SELPLG: variants seen among roughly 807,000 people sequenced by gnomAD.
The protein encoded by SELPLG is selectin P ligand.
SELPLG carries 2 observed loss-of-function variants against 1.1 expected under a neutral mutation model. The observed-to-expected ratio is 1.82, with a 90% CI of 0.74 to 5.71. The LOEUF is 5.71. Ranked by LOEUF, SELPLG falls within the 30% of genes most tolerant of loss-of-function variation. The pLI is 0.05. For missense variants in SELPLG, 478 were observed against 524.7 expected (o/e 0.91, Z 0.87); for synonymous variants, 230 against 221.2 (o/e 1.04, Z -0.35).
intron 1 of SELPLG, among the ~76,000 whole-genome samples, chr12:108,627,821 C>T (rs781240722): frequency 9.9e-5 from 15 of 152,154 alleles, no homozygotes; most frequent in Non-Finnish European, 1.9e-4. Flanking sequence ...CTCCTGTAAT[C>T]CGAGGACTTT....
intron 1 of SELPLG, chr12:108,631,900 A>G (rs1386894036): frequency 6.5e-7 from 1 of 1,535,334 alleles, no homozygotes; most frequent in Non-Finnish European, 8.7e-7. Flanking sequence ...CCCCACTGCC[A>G]TCTTCCTGTT....
chr12:108,624,448 C>T (rs2031896621), intron 1 of SELPLG, 136 bp from the exon 2 acceptor site: 4 of 705,132 alleles, frequency 5.7e-6, no homozygotes, highest in Non-Finnish European at 9.3e-6. Context: ...ACTTAGGCAT[C>T]CCTGACATGC....
intron 1 of SELPLG, among the ~76,000 whole-genome samples, chr12:108,630,306 G>A (rs1289743456): frequency 2.0e-5 from 3 of 152,222 alleles, no homozygotes; most frequent in African/African-American, 7.2e-5. Context: ...TCCAGCTCCA[G>A]AGAACCCGCC....
chr12:108,631,009 T>C (rs556821228), intron 1 of SELPLG, among the ~76,000 whole-genome samples: 117 of 151,826 alleles, frequency 7.7e-4, no homozygotes, highest in African/African-American at 2.8e-3. Context: ...AGACCACAAG[T>C]TTTTGGAGGG....
At chr12:108,632,915 C>T (rs887291767) in intron 1 of SELPLG, among the ~76,000 whole-genome samples, 3 of 152,094 alleles carry the variant, frequency 2.0e-5, no homozygotes, top group African/African-American at 7.2e-5. Flanking sequence ...AGTGTCATTT[C>T]CTCAGTCTTA....
chr12:108,624,392 T>G, intron 1 of SELPLG, 80 bp from the exon 2 acceptor site: 7 of 1,298,788 alleles, frequency 5.4e-6, no homozygotes, highest in Non-Finnish European at 7.4e-6. Flanking sequence ...CACCACCCTC[T>G]ACTGCCACAG....
chr12:108,624,392 T>C, intron 1 of SELPLG, 80 bp from the exon 2 acceptor site: 4 of 1,298,788 alleles, frequency 3.1e-6, no homozygotes, highest in Non-Finnish European at 4.2e-6. Context: ...CACCACCCTC[T>C]ACTGCCACAG....
intron 1 of SELPLG, among the ~76,000 whole-genome samples, chr12:108,631,538 C>T (rs185489595): frequency 7.2e-5 from 11 of 152,294 alleles, no homozygotes; most frequent in South Asian, 2.1e-4. Flanking sequence ...GCATGAGCCA[C>T]GGTGACCAGC....
chr12:108,625,357 G>A (rs1043206088), intron 1 of SELPLG, among the ~76,000 whole-genome samples: 28 of 152,154 alleles, frequency 1.8e-4, no homozygotes, highest in African/African-American at 6.8e-4. Flanking sequence ...GTTCTTGCCT[G>A]CACAATGCAC....
chr12:108,623,426 C>T lies in SELPLG; in HGVS notation c.882G>A (p.Lys294=), dbSNP rs569775105. 1 of 1,614,252 alleles carries T rather than the reference C, an allele frequency of 6.2e-7. No homozygotes were observed. The highest frequency in any genetic ancestry group is 2.2e-5 in the East Asian group (1 of 44,892). The change falls in exon 2 of 2, where the codon AAG becomes AAA. Residue 294 remains lysine (K), a synonymous_variant. Coordinates refer to ENST00000550948, the MANE Select transcript of SELPLG (RefSeq NM_003006.4). ...IPFSVSSVTH[K]GIPMAASNLS... is the part of the protein sequence containing the mutation. ...AATTGCTGGCTGCCATGGGAATGCC[C>T]TTGTGAGTAACAGAGGACACAGAAA... is the stretch of plus-strand genomic sequence containing the variant.
chr12:108,632,028 T>C, intron 1 of SELPLG: 2 of 1,116,534 alleles, frequency 1.8e-6, no homozygotes, highest in South Asian at 2.8e-5. Flanking sequence ...AGCCTCAGTT[T>C]TCTCATCTGT....
At chr12:108,631,014 G>A (rs1303364260) in intron 1 of SELPLG, among the ~76,000 whole-genome samples, 1 of 152,078 alleles carries the variant, frequency 6.6e-6, no homozygotes, top group African/African-American at 2.4e-5. Context: ...ACAAGTTTTT[G>A]GAGGGCAGGA....
chr12:108,626,971 G>A (rs1197747586), intron 1 of SELPLG, among the ~76,000 whole-genome samples: 1 of 152,152 alleles, frequency 6.6e-6, no homozygotes, highest in Non-Finnish European at 1.5e-5. Context: ...CGGGCGTGGT[G>A]GTGCTCCCTG....
At chr12:108,625,305 T>A (rs906190780) in intron 1 of SELPLG, among the ~76,000 whole-genome samples, 5 of 152,174 alleles carry the variant, frequency 3.3e-5, no homozygotes, top group Non-Finnish European at 7.4e-5. Flanking sequence ...TTTGTCTCAT[T>A]CCTTCTCAAT....
chr12:108,631,318 A>G (rs1403878703), intron 1 of SELPLG, among the ~76,000 whole-genome samples: 1 of 152,178 alleles, frequency 6.6e-6, no homozygotes, highest in Non-Finnish European at 1.5e-5. Flanking sequence ...GCTCGACTAC[A>G]GTGGTGCAAT....
chr12:108,631,815 TAGAC>T lies in SELPLG; in HGVS notation c.-6+1921_-6+1924del, dbSNP rs371876349. ...AAACAGTTTTCTAAACACCCCTGTG[TAGAC>T]AGACAGATTAACAAACACAGACCCC... On this transcript the variant is annotated intron_variant, in intron 1 of 1. Coordinates refer to ENST00000550948, the MANE Select transcript of SELPLG (RefSeq NM_003006.4). The T allele has an allele frequency of 6.0e-4, 821 of 1,379,368 alleles. 1 individual carries two copies. The highest frequency in any genetic ancestry group is 7.1e-4 in the Non-Finnish European group (709 of 1,004,110). The allele number at this position is 1,379,368 out of a possible 1,614,324, so 85.4% of individuals were successfully genotyped here. A position where few individuals can be genotyped will look rare whatever the true frequency, so the allele number is the denominator to read the frequency against.
At position 108,623,231 on chromosome 12, in the gene SELPLG, G is replaced by A; in HGVS notation, c.1077C>T (p.Pro359=). 6.2e-7 allele frequency: 1 copy of A among 1,614,096 alleles called. No homozygotes were observed. Among genetic ancestry groups the A allele is most frequent in the Non-Finnish European group, 8.5e-7 (1 of 1,179,966 alleles). Reference sequence around the variant, plus strand: ...GGGATGAGATGCAGACCATCTCGGTGGGGGAGTAATTACGCACGGGGTACA... The same window carrying A: ...GGGATGAGATGCAGACCATCTCGGTAGGGGAGTAATTACGCACGGGGTACA... ...GHMYPVRNYS[P]TEMVCISSLL... is the part of the protein sequence containing the mutation. Residue 359 remains proline (P), a synonymous_variant, in exon 2 of 2, where the codon CCC becomes CCT. Coordinates refer to ENST00000550948, the MANE Select transcript of SELPLG (RefSeq NM_003006.4).
At position 108,623,661 on chromosome 12, in the gene SELPLG, G is replaced by C; in HGVS notation, c.647C>G (p.Pro216Arg). The stretch of plus-strand genomic sequence containing the variant: ...AGTGGTCTGTGCCTCCATGGCTGCT[G>C]GTGGAGTGGTCTGTGCTTCCATGGC... ...PAAMEAQTTP[P>R]AAMEAQTTQT... Residue 216 changes from proline (P) to arginine (R), a missense_variant, in exon 2 of 2, where the codon CCA becomes CGA. Coordinates refer to ENST00000550948, the MANE Select transcript of SELPLG (RefSeq NM_003006.4). 1 of 1,533,742 alleles carries C rather than the reference G, an allele frequency of 6.5e-7. No individual in the cohort carries two copies. Among genetic ancestry groups the C allele is most frequent in the Non-Finnish European group, 8.7e-7 (1 of 1,145,012 alleles).
At chr12:108,632,427 TGA>T (rs1565891142) in intron 1 of SELPLG, among the ~76,000 whole-genome samples, 2 of 134,464 alleles carry the variant, frequency 1.5e-5, no homozygotes, top group Non-Finnish European at 3.1e-5. Flanking sequence ...TGTGTGTGTG[TGA>T]ATGTGTGTAC....
Sources: allele counts gnomAD v4.1 joint callset (sites outside exome capture counted in the v4.1 genomes callset), GRCh38; gene constraint gnomAD v4.1.1; transcripts MANE v1.5; gene names NCBI Gene and HGNC (gene_info 2026-07-23, HGNC 2026-07-21).